The following ADH1A variants were observed in gnomAD, a reference collection of about 807,000 sequenced individuals.
ADH1A encodes alcohol dehydrogenase 1A.
In ADH1A, 29 loss-of-function variants were observed where a neutral mutation model predicts 35.2. The ratio of observed to expected loss-of-function variants is 0.82; its 90% CI spans 0.61 to 1.12. ADH1A has a LOEUF of 1.12. Among genes scored for constraint, ADH1A ranks in the 50% most tolerant of loss-of-function variants. The pLI is 0.00. For synonymous variants in ADH1A, 147 were observed against 164.8 expected, an observed-to-expected ratio of 0.89 and a Z score of 0.83; for missense variants, 469 against 464.7, an observed-to-expected ratio of 1.01 and a Z score of -0.09.
chr4:99,278,799 G>A (rs1426096542), intron 8 of ADH1A, among the ~76,000 whole-genome samples: 1 of 152,030 alleles, frequency 6.6e-6, no homozygotes, highest in East Asian at 1.9e-4. Flanking sequence ...GTTAGAGACA[G>A]GAAATAGAAT....
intron 1 of ADH1A, among the ~76,000 whole-genome samples, chr4:99,288,214 T>C (rs1733204983): frequency 6.6e-6 from 1 of 152,246 alleles, no homozygotes; most frequent in Admixed American, 6.5e-5. Flanking sequence ...ACCACTTCTG[T>C]GTGTTACTTG....
chr4:99,287,485 T>C, intron 2 of ADH1A, 79 bp downstream of exon 2: 1 of 1,342,286 alleles, frequency 7.4e-7, no homozygotes, highest in South Asian at 1.3e-5. Context: ...TGGATGATCA[T>C]ATAAAAATTT....
Position 99,284,576 on chromosome 4 carries a change from C to A in ADH1A, c.390G>T (p.Arg130Ser), listed in dbSNP as rs1416583760. ...GGATGGGCTTCCTCCTGCAGGTGAA[C>A]CTGCTGGTGCCATCCTGCAGGGTCC... ...PQGTLQDGTS[R>S]FTCRRKPIHH... The change falls in exon 5 of 9, where the codon AGG becomes AGT. Residue 130 changes from arginine (R) to serine (S), a missense_variant. Arg to Ser is a moderately radical substitution (Grantham distance 110). Coordinates refer to ENST00000209668, the MANE Select transcript of ADH1A (RefSeq NM_000667.4). The A allele has an allele frequency of 1.9e-6, 3 of 1,614,076 alleles. No homozygotes were observed. Among genetic ancestry groups the A allele is most frequent in the Non-Finnish European group, 2.5e-6 (3 of 1,180,038 alleles).
chr4:99,281,170 C>T (rs1732992080), intron 6 of ADH1A: 1 of 152,198 alleles, frequency 6.6e-6, no homozygotes, highest in South Asian at 2.1e-4. Context: ...TCATCTGTGG[C>T]ATTTGTCCCA....
At chr4:99,289,044 C>T (rs1733226897) in intron 1 of ADH1A, among the ~76,000 whole-genome samples, 1 of 152,080 alleles carries the variant, frequency 6.6e-6, no homozygotes, top group South Asian at 2.1e-4. Context: ...GCCTAACTCT[C>T]TCTTATAAAT....
chr4:99,282,303 A>C, intron 6 of ADH1A, 43 bp downstream of exon 6: 1 of 1,614,182 alleles, frequency 6.2e-7, no homozygotes. Context: ...TGCATCCTCC[A>C]AGTTGTAGAG....
At chr4:99,285,194 G>T (rs932453336) in intron 3 of ADH1A, among the ~76,000 whole-genome samples, 1 of 152,146 alleles carries the variant, frequency 6.6e-6, no homozygotes, top group African/African-American at 2.4e-5. Context: ...GGGTATAATA[G>T]TTCCACTAGA....
Position 99,276,640 on chromosome 4 carries a change from G to A in ADH1A, c.1112C>T (p.Thr371Ile), listed in dbSNP as rs958568948. The change falls in exon 9 of 9, where the codon ACC becomes ATC. Residue 371 changes from threonine to isoleucine, a missense_variant. Thr to Ile is a moderately conservative substitution (Grantham distance 89, BLOSUM62 -1). Transcript: ENST00000209668. ...DLLHSGKSIRTILMF is the reference protein window; with the variant it reads ...DLLHSGKSIRIILMF ...TGTATTGTCTCAAAACATCAGAATG[G>A]TACGGATACTGCAATAGGAAAGAAG... 1.2e-6 allele frequency: 2 copies of A among 1,612,376 alleles called. No homozygotes were observed. Among genetic ancestry groups the A allele is most frequent in the Admixed American group, 1.7e-5 (1 of 59,970 alleles).
At chr4:99,277,795 A>C (rs929240679) in intron 8 of ADH1A, among the ~76,000 whole-genome samples, 4 of 152,052 alleles carry the variant, frequency 2.6e-5, no homozygotes, top group African/African-American at 9.7e-5. Context: ...CATTTTCCTC[A>C]TGTTGAAATT....
In ADH1A at chr4:99,290,892, C is replaced by G. The variant is rs1560520360; in HGVS notation, c.18+5G>C. The G allele has an allele frequency of 6.2e-7, 1 of 1,613,438 alleles. No individual in the cohort carries two copies. The highest frequency in any genetic ancestry group is 1.1e-5 in the South Asian group (1 of 91,040). ...AGTTCCAACAGTAATATATTTTTTG[C>G]TTACTTTTCCTGCTGTGCTCATGTT... is the stretch of plus-strand genomic sequence containing the variant. On this transcript the variant is annotated splice_donor_5th_base_variant and intron_variant, in intron 1 of 8. Transcript: ENST00000209668.
At chr4:99,284,103 T>C (rs901193738) in intron 5 of ADH1A, among the ~76,000 whole-genome samples, 1 of 152,204 alleles carries the variant, frequency 6.6e-6, no homozygotes, top group African/African-American at 2.4e-5. Context: ...AATTGTAGAA[T>C]GAATTACTAA....
intron 8 of ADH1A, 100 bp downstream of exon 8, chr4:99,279,326 G>A (rs1732940435): frequency 1.4e-6 from 2 of 1,419,802 alleles, no homozygotes; most frequent in Non-Finnish European, 9.4e-7. Flanking sequence ...AAGAACCAAG[G>A]CACTCTAATT....
rs1003690979 is a variant in ADH1A at position 99,284,602 on chromosome 4, C to G, written c.364G>C (p.Gly122Arg). The G allele has an allele frequency of 1.9e-6, 3 of 1,614,088 alleles. No homozygotes were observed. Among genetic ancestry groups the G allele is most frequent in the Non-Finnish European group, 2.5e-6 (3 of 1,180,042 alleles). Residue 122 changes from glycine to arginine, a missense_variant, in exon 5 of 9, where the codon GGG becomes CGG. Transcript: ENST00000209668. ...CTGCTGGTGCCATCCTGCAGGGTCC[C>G]CTGAGGATTGCTTACACTGGACAGT... ...CLKNDVSNPQGTLQDGTSRFT... is the reference protein window; with the variant it reads ...CLKNDVSNPQRTLQDGTSRFT...
rs376817937 is a variant in ADH1A at position 99,284,449 on chromosome 4, T to C, written c.517A>G (p.Ile173Val). The C allele has an allele frequency of 9.3e-6, 15 of 1,614,144 alleles. No homozygotes were observed. The African/African-American group carries it at 1.5e-4, about 16-fold the overall frequency. Residue 173 changes from isoleucine to valine, a missense_variant, in exon 5 of 9, where the codon ATT becomes GTT. Coordinates refer to ENST00000209668, the MANE Select transcript of ADH1A (RefSeq NM_000667.4). ...AASPLEKVCL[I>V]GCGFSTGYGS... ...TAACCAGTTGAAAATCCACAGCCAA[T>C]GAGACAGACTTTCTCTAGAGGCGAG...
intron 2 of ADH1A, among the ~76,000 whole-genome samples, chr4:99,287,332 T>C (rs897898893): frequency 6.6e-6 from 1 of 152,248 alleles, no homozygotes; most frequent in Non-Finnish European, 1.5e-5. Context: ...TTTGAAGTCT[T>C]GATATATATC....
In ADH1A at chr4:99,287,564, C is replaced by A; in HGVS notation, c.120G>T (p.Lys40Asn). Residue 40 changes from lysine (K) to asparagine (N), a missense_variant and splice_region_variant, in exon 2 of 9, where the codon AAG becomes AAT. Coordinates refer to ENST00000209668, the MANE Select transcript of ADH1A (RefSeq NM_000667.4). ...ATACAAATGGAAAAATGTATTTCAC[C>A]TTAATACGAACTTCATGGGCCTTAG... ...APPKAHEVRI[K>N]MVAVGICGTD... is the part of the protein sequence containing the mutation. The A allele has an allele frequency of 6.2e-7, 1 of 1,610,070 alleles. No individual in the cohort carries two copies. Among genetic ancestry groups the A allele is most frequent in the South Asian group, 1.1e-5 (1 of 90,124 alleles).
chr4:99,282,742 T>A (rs1323251270), intron 5 of ADH1A, 136 bp from the exon 6 acceptor site: 3 of 1,390,210 alleles, frequency 2.2e-6, no homozygotes, highest in Non-Finnish European at 2.9e-6. Flanking sequence ...GCTTTATTTT[T>A]AAATTCATGG....
intron 3 of ADH1A, 142 bp downstream of exon 3, chr4:99,286,707 AG>A: frequency 7.3e-7 from 1 of 1,374,302 alleles, no homozygotes; most frequent in South Asian, 1.4e-5. Context: ...GCAGGAAGAG[AG>A]GGAAAGAGGA....
At chr4:99,279,151 T>C (rs902070103) in intron 8 of ADH1A, among the ~76,000 whole-genome samples, 20 of 152,064 alleles carry the variant, frequency 1.3e-4, no homozygotes, top group African/African-American at 3.9e-4. Flanking sequence ...AAGGTGATTG[T>C]TCTCTTTTAA....
Sources: allele counts gnomAD v4.1 joint callset (sites outside exome capture counted in the v4.1 genomes callset), GRCh38; gene constraint gnomAD v4.1.1; transcripts MANE v1.5; gene names NCBI Gene and HGNC (gene_info 2026-07-23, HGNC 2026-07-21).